ATRX: variants seen among roughly 807,000 people sequenced by gnomAD.
The protein encoded by ATRX is chromatin remodeler ATRX.
In ATRX, 12 loss-of-function variants were observed where a neutral mutation model predicts 172.6. The ratio of observed to expected loss-of-function variants is 0.07; its 90% CI spans 0.04 to 0.11. The LOEUF (loss-of-function observed/expected upper bound fraction) is 0.11, where lower values mean the gene tolerates loss of function less well. Among genes scored for constraint, ATRX ranks in the 10% least tolerant of loss-of-function variants. The pLI, the probability that ATRX is intolerant of heterozygous loss-of-function variation, is 1.00. For missense variants in ATRX, 1,368 were observed against 1,767.4 expected (o/e 0.77, Z 4.05); for synonymous variants, 674 against 594.7 (o/e 1.13, Z -1.94).
intron 25 of ATRX, among the ~76,000 whole-genome samples, chrX:77,598,626 T>C (rs2066553620): frequency 9.0e-6 from 1 of 111,372 alleles, no homozygotes; most frequent in Non-Finnish European, 1.9e-5. Flanking sequence ...GCCACTACCT[T>C]GTTCTCTCTT....
In ATRX at chrX:77,521,373, T is replaced by C. The variant is rs782259677; in HGVS notation, c.7071+30A>G. On this transcript the variant is annotated intron_variant, in intron 33 of 34. Coordinates refer to ENST00000373344, the MANE Select transcript of ATRX (RefSeq NM_000489.6). ...GGGGGTGGAGGGTACAAATTGGAGG[T>C]TGGAATAAGACAATTGCCAATTAGC... is the stretch of plus-strand genomic sequence containing the variant. 8 of 1,125,841 alleles carry C rather than the reference T, an allele frequency of 7.1e-6. 1 individual carries two copies. The South Asian group carries it at 1.3e-4, about 18-fold the overall frequency. The allele number at this position is 1,125,841 out of a possible 1,213,427, so 92.8% of individuals were successfully genotyped here. A position where few individuals can be genotyped will look rare whatever the true frequency, so the allele number is the denominator to read the frequency against.
chrX:77,505,811 C>T lies in ATRX; in HGVS notation c.*2540G>A. 5.8e-6 allele frequency: 1 copy of T among 171,655 alleles called. No individual in the cohort carries two copies. Among genetic ancestry groups the T allele is most frequent in the Admixed American group, 7.9e-5 (1 of 12,706 alleles). The allele number at this position is 171,655 out of a possible 1,213,427, so 14.1% of individuals were successfully genotyped here. ...AAAACACAGATAGTATATTGTCATA[C>T]TTGAATGCTTTTCTTTAAAAACACA... is the stretch of plus-strand genomic sequence containing the variant. On this transcript the variant is annotated 3_prime_UTR_variant, in exon 35 of 35. Transcript: ENST00000373344.
At chrX:77,581,508 G>T (rs1442078057) in intron 27 of ATRX, among the ~76,000 whole-genome samples, 6 of 111,620 alleles carry the variant, frequency 5.4e-5, no homozygotes, top group Non-Finnish European at 1.1e-4. Flanking sequence ...TCTACAAGAG[G>T]ATATAACAAT....
At chrX:77,776,335 A>G (rs6621960) in intron 1 of ATRX, among the ~76,000 whole-genome samples, 5,683 of 109,145 alleles carry the variant, frequency 0.052, 371 homozygotes, top group African/African-American at 0.18. Context: ...GAGTAACAAT[A>G]AAGACATAAG....
rs2148632640 is a variant in ATRX, at chrX:77,684,249, G to C, written c.1007C>G (p.Ser336Cys). 1 of 1,210,465 alleles carries C rather than the reference G, an allele frequency of 8.3e-7. No homozygotes were observed. The highest frequency in any genetic ancestry group is 1.1e-6 in the Non-Finnish European group (1 of 894,448). ...GEEKKLDDSC[S>C]GSVTYSYSAL... The stretch of plus-strand genomic sequence containing the variant: ...GGAATAAGAGTAGGTTACAGAGCCA[G>C]AACAGGAATCATCTAATTTCTTTTC... The change falls in exon 9 of 35, where the codon TCT (serine) becomes TGT (cysteine). Residue 336 changes from serine to cysteine, a missense_variant. This residue lies in a region of ATRX where 843 missense variants were observed against 643.1 expected (regional missense o/e 1.31). Transcript: ENST00000373344.
chrX:77,722,737 T>C (rs1025334252), intron 1 of ATRX, among the ~76,000 whole-genome samples: 2 of 111,884 alleles, frequency 1.8e-5, no homozygotes, highest in African/African-American at 6.5e-5. Flanking sequence ...TTTTACACTG[T>C]TGATGGGAGG....
chrX:77,702,498 T>C (rs1003279519), intron 2 of ATRX, among the ~76,000 whole-genome samples: 3 of 110,734 alleles, frequency 2.7e-5, no homozygotes, highest in African/African-American at 9.8e-5. Flanking sequence ...TTCAGGAAGA[T>C]TGATGGGTAC....
chrX:77,562,344 T>C (rs1557062451), intron 28 of ATRX, among the ~76,000 whole-genome samples: 1 of 112,289 alleles, frequency 8.9e-6, no homozygotes, highest in Non-Finnish European at 1.9e-5. Context: ...CAAGGTTATA[T>C]GACAAGTATG....
intron 1 of ATRX, among the ~76,000 whole-genome samples, chrX:77,776,711 C>T: frequency 8.9e-6 from 1 of 112,123 alleles, no homozygotes; most frequent in Admixed American, 9.5e-5. Context: ...AAAAGGGTTG[C>T]AGCTCATGAA....
chrX:77,702,108 A>C (rs2072559420), intron 2 of ATRX, among the ~76,000 whole-genome samples: 1 of 112,125 alleles, frequency 8.9e-6, no homozygotes, highest in Non-Finnish European at 1.9e-5. Context: ...AGAATGTGAC[A>C]TTATCTCATA....
At chrX:77,660,536 C>T (rs782565886) in intron 12 of ATRX, among the ~76,000 whole-genome samples, 39 of 108,451 alleles carry the variant, frequency 3.6e-4, no homozygotes, top group South Asian at 1.2e-3. Context: ...CACTGCACTC[C>T]GGCCTGGGCG....
intron 7 of ATRX, 138 bp from the exon 8 acceptor site, chrX:77,685,144 G>T: frequency 2.0e-6 from 1 of 496,048 alleles, no homozygotes; most frequent in Non-Finnish European, 3.4e-6. Flanking sequence ...GATTTATTGA[G>T]CATATTACAC....
chrX:77,523,373 A>G lies in ATRX; in HGVS notation c.6728T>C (p.Ile2243Thr). ...KDTILAELLQIHKEHIVGYHE... is the reference protein window; with the variant it reads ...KDTILAELLQTHKEHIVGYHE... ...GTATCCTACAATGTGTTCTTTATGT[A>G]TCTGAAGGAGCTCTGCAAGTATGGT... is the stretch of plus-strand genomic sequence containing the variant. Residue 2243 changes from isoleucine to threonine, a missense_variant, in exon 31 of 35, where the codon ATA becomes ACA. Transcript: ENST00000373344. 1 of 1,209,134 alleles carries G rather than the reference A, an allele frequency of 8.3e-7. No homozygotes were observed. Among genetic ancestry groups the G allele is most frequent in the Non-Finnish European group, 1.1e-6 (1 of 893,352 alleles).
intron 21 of ATRX, among the ~76,000 whole-genome samples, 159 bp downstream of exon 21, chrX:77,618,647 A>G (rs1232542542): frequency 1.8e-5 from 2 of 112,297 alleles, no homozygotes; most frequent in African/African-American, 6.5e-5. Flanking sequence ...AATGCAGCAG[A>G]AATTTTTTAA....
At chrX:77,739,512 GC>G (rs11319680) in intron 1 of ATRX, among the ~76,000 whole-genome samples, 11,096 of 109,358 alleles carry the variant, frequency 0.1, 663 homozygotes, top group African/African-American at 0.23. Context: ...TATTTCTCAT[GC>G]CTAAGCCACT....
intron 30 of ATRX, among the ~76,000 whole-genome samples, chrX:77,524,126 T>C (rs782036124): frequency 7.7e-4 from 86 of 111,882 alleles, no homozygotes; most frequent in Non-Finnish European, 1.5e-3. Context: ...CTGCTCTGTT[T>C]AATTATGACT....
Position 77,554,215 on chromosome X carries a change from G to C in ATRX, c.6699+3236C>G, listed in dbSNP as rs781876259. On this transcript the variant is annotated intron_variant, in intron 30 of 34. Transcript: ENST00000373344. ...AGCTACTCGGGAAGCCGAGGCACAA[G>C]AATCATTTGAACCCAGGAGGCGGAG... Among the ~76,000 whole-genome samples the C allele has an allele frequency of 2.7e-5, 3 of 110,922 alleles. No individual in the cohort carries two copies. The Admixed American group carries it at 2.9e-4, about 11-fold the overall frequency.
At chrX:77,585,476 G>A (rs1174794594) in intron 27 of ATRX, among the ~76,000 whole-genome samples, 1 of 102,532 alleles carries the variant, frequency 9.8e-6, no homozygotes, top group African/African-American at 3.5e-5. Flanking sequence ...CTGGGGAGGC[G>A]GAGGTGGGAG....
chrX:77,661,770 T>G (rs1431895277), intron 12 of ATRX, among the ~76,000 whole-genome samples: 1 of 111,005 alleles, frequency 9.0e-6, no homozygotes, highest in Admixed American at 9.7e-5. Flanking sequence ...AAATTATAAA[T>G]AGAGACACCA....
Sources: allele counts gnomAD v4.1 joint callset (sites outside exome capture counted in the v4.1 genomes callset), GRCh38; gene constraint gnomAD v4.1.1; regional missense constraint gnomAD v4.1.1; transcripts MANE v1.5; gene names NCBI Gene and HGNC (gene_info 2026-07-23, HGNC 2026-07-21).